Variants in DLGAP1 observed in about 807,000 individuals in gnomAD.
DLGAP1 encodes the protein DLG associated protein 1.
Under a neutral mutation model 90.8 loss-of-function variants are expected in DLGAP1, and 11 were observed. That is an observed-to-expected ratio of 0.12 (90% CI 0.08 to 0.20). The LOEUF is 0.20. Among genes scored for constraint, DLGAP1 ranks in the 10% least tolerant of loss-of-function variants. The pLI is 1.00. For synonymous variants in DLGAP1, 558 were observed against 540.7 expected (o/e 1.03, Z -0.44); for missense variants, 1,050 against 1,333.8 (o/e 0.79, Z 3.31).
intron 1 of DLGAP1, among the ~76,000 whole-genome samples, chr18:4,341,684 G>C (rs1029020950): frequency 1.3e-5 from 2 of 152,052 alleles, no homozygotes; most frequent in Non-Finnish European, 2.9e-5. Flanking sequence ...AGTCCTTACA[G>C]ACTATCAAGA....
chr18:3,824,018 A>G (rs1203587593), intron 4 of DLGAP1, among the ~76,000 whole-genome samples: 1 of 150,274 alleles, frequency 6.7e-6, no homozygotes, highest in African/African-American at 2.4e-5. Context: ...TTTTCCACTG[A>G]CTATATAGGA....
intron 3 of DLGAP1, among the ~76,000 whole-genome samples, chr18:3,973,289 CCAAAAAA>C (rs2073494283): frequency 4.1e-5 from 1 of 24,654 alleles, no homozygotes. Context: ...ATAGCCATAG[CCAAAAAA>C]AAAAAAAAAA....
intron 2 of DLGAP1, among the ~76,000 whole-genome samples, chr18:4,065,305 C>T (rs773865452): frequency 2.6e-5 from 4 of 151,572 alleles, no homozygotes; most frequent in Non-Finnish European, 5.9e-5. Flanking sequence ...TCCTATTCAA[C>T]GTAGTGTTCT....
At chr18:4,279,771 T>C (rs1258750159) in intron 1 of DLGAP1, among the ~76,000 whole-genome samples, 1 of 152,220 alleles carries the variant, frequency 6.6e-6, no homozygotes, top group Non-Finnish European at 1.5e-5. Flanking sequence ...CTTCAATTAT[T>C]TGAAGAATGA....
Position 3,832,880 on chromosome 18 carries a change from C to T in DLGAP1, c.958-18607G>A, listed in dbSNP as rs928975010. Among the ~76,000 whole-genome samples the T allele has an allele frequency of 5.3e-5, 8 of 152,106 alleles. 1 individual carries two copies. The highest frequency in any genetic ancestry group is 1.2e-4 in the Non-Finnish European group (8 of 68,014). On this transcript the variant is annotated intron_variant, in intron 4 of 12. Coordinates refer to ENST00000315677, the MANE Select transcript of DLGAP1 (RefSeq NM_004746.4). The stretch of plus-strand genomic sequence containing the variant: ...TTAGGTGCCCCCCCCATCACTGAGG[C>T]AGAGGAGTGAGAGCACCTTTCTCCT...
intron 7 of DLGAP1, among the ~76,000 whole-genome samples, chr18:3,635,221 C>T (rs1357897996): frequency 6.6e-6 from 1 of 151,816 alleles, no homozygotes; most frequent in African/African-American, 2.4e-5. Context: ...AGCTCCGCCT[C>T]CCGGGTTCAC....
intron 2 of DLGAP1, among the ~76,000 whole-genome samples, chr18:4,079,015 T>C (rs1373164104): frequency 1.3e-5 from 2 of 152,176 alleles, no homozygotes; most frequent in Non-Finnish European, 2.9e-5. Flanking sequence ...GAAGTGTGGT[T>C]TGATGAAGAA....
chr18:3,793,791 G>A (rs534317882), intron 5 of DLGAP1, among the ~76,000 whole-genome samples: 2 of 152,212 alleles, frequency 1.3e-5, no homozygotes, highest in South Asian at 4.2e-4. Flanking sequence ...GCCCCACTCT[G>A]CGACCCCCTG....
intron 1 of DLGAP1, among the ~76,000 whole-genome samples, chr18:4,251,184 CAGAG>C (rs1335968728): frequency 6.6e-6 from 1 of 152,170 alleles, no homozygotes; most frequent in Non-Finnish European, 1.5e-5. Flanking sequence ...GATAGATAGA[CAGAG>C]AGAAAGACAG....
At chr18:4,186,898 C>T (rs1200985675) in intron 1 of DLGAP1, among the ~76,000 whole-genome samples, 1 of 152,158 alleles carries the variant, frequency 6.6e-6, no homozygotes, top group Non-Finnish European at 1.5e-5. Flanking sequence ...TATCCACAAG[C>T]ATGGGATGTT....
At chr18:4,320,350 G>A (rs1353014527) in intron 1 of DLGAP1, among the ~76,000 whole-genome samples, 1 of 152,106 alleles carries the variant, frequency 6.6e-6, no homozygotes, top group Non-Finnish European at 1.5e-5. Context: ...GTAAATTGGA[G>A]TTACTTTTTA....
At chr18:3,602,482 C>A (rs894505661) in intron 7 of DLGAP1, among the ~76,000 whole-genome samples, 35 of 150,394 alleles carry the variant, frequency 2.3e-4, no homozygotes, top group Non-Finnish European at 3.8e-4. Context: ...GTAGTCCCAG[C>A]TACTCGGGAG....
In DLGAP1 at chr18:4,128,119, A is replaced by G. The variant is rs1427764558; in HGVS notation, c.-159+23061T>C. On this transcript the variant is annotated intron_variant, in intron 2 of 12. Coordinates refer to ENST00000315677, the MANE Select transcript of DLGAP1 (RefSeq NM_004746.4). ...TAGAGAAAATCATGGTTGGTCCTTC[A>G]TATCTGTGGGTTCAACATCCGTGGA... Among the ~76,000 whole-genome samples the G allele has an allele frequency of 3.3e-5, 5 of 152,306 alleles. No homozygotes were observed. In the East Asian group the frequency reaches 5.8e-4, roughly 18 times the overall value.
intron 1 of DLGAP1, among the ~76,000 whole-genome samples, chr18:4,369,860 T>C (rs2081876940): frequency 7.2e-6 from 1 of 139,100 alleles, no homozygotes; most frequent in Admixed American, 7.1e-5. Context: ...AGAAAAGTGA[T>C]CTGGGTGATG....
At chr18:3,520,279 G>A (rs1395656704) in intron 10 of DLGAP1, among the ~76,000 whole-genome samples, 1 of 151,882 alleles carries the variant, frequency 6.6e-6, no homozygotes, top group Non-Finnish European at 1.5e-5. Flanking sequence ...CCCTCTCTCC[G>A]AACTCCTTCT....
intron 1 of DLGAP1, among the ~76,000 whole-genome samples, chr18:4,170,605 C>T (rs1364625024): frequency 1.3e-5 from 2 of 151,950 alleles, no homozygotes; most frequent in Non-Finnish European, 2.9e-5. Context: ...CATGAATGAC[C>T]CCAGGACATC....
intron 1 of DLGAP1, among the ~76,000 whole-genome samples, chr18:4,296,362 T>C (rs1379957800): frequency 1.3e-5 from 2 of 152,098 alleles, no homozygotes; most frequent in Non-Finnish European, 2.9e-5. Context: ...AGTGACAAAG[T>C]AGATCCACAT....
At chr18:4,149,092 C>T (rs2076631617) in intron 2 of DLGAP1, among the ~76,000 whole-genome samples, 1 of 152,178 alleles carries the variant, frequency 6.6e-6, no homozygotes, top group Non-Finnish European at 1.5e-5. Context: ...TTTGTGTATA[C>T]ACGGACACCT....
At chr18:3,612,332 G>A (rs72857730) in intron 7 of DLGAP1, among the ~76,000 whole-genome samples, 1,651 of 152,342 alleles carry the variant, frequency 0.011, 14 homozygotes, top group Admixed American at 0.019. Flanking sequence ...TTATAGGGTT[G>A]TAGAGAGGCT....
Sources: allele counts gnomAD v4.1 joint callset (sites outside exome capture counted in the v4.1 genomes callset), GRCh38; gene constraint gnomAD v4.1.1; transcripts MANE v1.5; gene names NCBI Gene and HGNC (gene_info 2026-07-23, HGNC 2026-07-21).